Variants in EMG1 observed in about 807,000 individuals in gnomAD.
The protein encoded by EMG1 is EMG1 N1-specific pseudouridine methyltransferase.
A neutral mutation model predicts 26.9 loss-of-function variants in EMG1; 24 were observed. That is an observed-to-expected ratio of 0.89 (90% CI 0.65 to 1.26). EMG1 has a LOEUF of 1.26. EMG1 is among the 50% of genes most tolerant of loss of function. EMG1 has a pLI of 0.00. For synonymous variants in EMG1, 140 were observed against 112.6 expected, an observed-to-expected ratio of 1.24 and a Z score of -1.54; for missense variants, 299 against 307.6, an observed-to-expected ratio of 0.97 and a Z score of 0.21.
chr12:6,990,726 C>A (rs1665901417), downstream of EMG1, among the ~76,000 whole-genome samples: 7 of 150,366 alleles, frequency 4.7e-5, no homozygotes, highest in South Asian at 1.3e-3. Context: ...AGTTTGAGAC[C>A]ATCCTGGCCA....
intron 1 of EMG1, among the ~76,000 whole-genome samples, chr12:6,973,447 C>T (rs782011486): frequency 1.9e-4 from 29 of 152,042 alleles, no homozygotes; most frequent in African/African-American, 3.6e-4. Flanking sequence ...GGATTACAGC[C>T]GTGAGCCACT....
At chr12:6,996,893 G>A (rs1946640618) in intron 7 of EMG1, among the ~76,000 whole-genome samples, 1 of 152,190 alleles carries the variant, frequency 6.6e-6, no homozygotes, top group South Asian at 2.1e-4. Flanking sequence ...CACAGCGGTA[G>A]GAAGGAGCAT....
chr12:6,977,824 T>A lies in EMG1; in HGVS notation c.*2015T>A. Reference sequence around the variant, plus strand: ...GCCACCTGCCTCTGGGTCCTCACCCTGAGGATTGGATTGGAGTGCTGGTGG... The same window carrying A: ...GCCACCTGCCTCTGGGTCCTCACCCAGAGGATTGGATTGGAGTGCTGGTGG... On this transcript the variant is annotated 3_prime_UTR_variant, in exon 6 of 6. Transcript: ENST00000599672. The surrounding 1 kb of genome is among the most constrained non-coding windows in gnomAD (Gnocchi z 4.5). 1.3e-6 allele frequency: 2 copies of A among 1,542,658 alleles called. No individual in the cohort carries two copies. The highest frequency in any genetic ancestry group is 1.8e-6 in the Non-Finnish European group (2 of 1,122,578).
chr12:6,991,135 T>C (rs1230524434), downstream of EMG1, among the ~76,000 whole-genome samples: 1 of 152,206 alleles, frequency 6.6e-6, no homozygotes, highest in Non-Finnish European at 1.5e-5. Context: ...ATGGCCTCTG[T>C]CTGACTTAAT....
chr12:6,982,838 C>T, downstream of EMG1: 2 of 1,127,810 alleles, frequency 1.8e-6, no homozygotes, highest in Non-Finnish European at 2.7e-6. Flanking sequence ...CGTCCTGAGA[C>T]TTCCAATCAC....
rs782427938 is a variant in EMG1, at chr12:6,978,292, G to C, written c.*2483G>C. Reference sequence around the variant, plus strand: ...ACACCCCTGCCCTCCAATCTGGGAAGACAGTGGAAGGAAGGAACCAGGGTC... The same window carrying C: ...ACACCCCTGCCCTCCAATCTGGGAACACAGTGGAAGGAAGGAACCAGGGTC... On this transcript the variant is annotated 3_prime_UTR_variant, in exon 6 of 6. Coordinates refer to ENST00000599672, the MANE Select transcript of EMG1 (RefSeq NM_006331.8). 6.4e-7 allele frequency: 1 copy of C among 1,563,684 alleles called. No homozygotes were observed. Among genetic ancestry groups the C allele is most frequent in the Non-Finnish European group, 8.7e-7 (1 of 1,153,606 alleles).
chr12:6,975,851 A>C lies in EMG1; in HGVS notation c.*42A>C. On this transcript the variant is annotated 3_prime_UTR_variant, in exon 6 of 6. Coordinates refer to ENST00000599672, the MANE Select transcript of EMG1 (RefSeq NM_006331.8). ...TCTGAAACCAGAAACTGTTGATGTC[A>C]CATCCTTTGACCCTGGTCTGAGCTG... 3.6e-5 allele frequency: 41 copies of C among 1,144,128 alleles called. No individual in the cohort carries two copies. Among genetic ancestry groups the C allele is most frequent in the Non-Finnish European group, 5.0e-5 (38 of 753,956 alleles). The allele number at this position is 1,144,128 out of a possible 1,614,324, so 70.9% of individuals were successfully genotyped here.
In EMG1 at chr12:6,975,333, C is replaced by A; in HGVS notation, c.576C>A (p.Ser192Arg). 1.2e-6 allele frequency: 2 copies of A among 1,607,666 alleles called. No homozygotes were observed. Among genetic ancestry groups the A allele is most frequent in the Non-Finnish European group, 1.7e-6 (2 of 1,176,588 alleles). ...GTGATGTGCGTGAGCTGGTGCCCAGCAGTGATCCTATTGTTTTTGTGGTAG... is the reference window on the plus strand; with the variant it reads ...GTGATGTGCGTGAGCTGGTGCCCAGAAGTGATCCTATTGTTTTTGTGGTAG... ...VVSDVRELVP[S>R]SDPIVFVVGA... is the part of the protein sequence containing the mutation. Residue 192 changes from serine (S) to arginine (R), a missense_variant, in exon 5 of 6, where the codon AGC becomes AGA. Ser to Arg is a moderately radical substitution (Grantham distance 110). Coordinates refer to ENST00000599672, the MANE Select transcript of EMG1 (RefSeq NM_006331.8).
intron 1 of EMG1, among the ~76,000 whole-genome samples, chr12:6,972,304 T>C (rs1273003679): frequency 3.2e-4 from 48 of 152,218 alleles, no homozygotes; most frequent in Admixed American, 2.7e-3. Flanking sequence ...GTTTTTTTCT[T>C]CTATAACTAA....
downstream of EMG1, among the ~76,000 whole-genome samples, chr12:6,990,526 A>AAAATAAAAT (rs1555155363): frequency 6.9e-6 from 1 of 144,404 alleles, no homozygotes; most frequent in East Asian, 2.0e-4. Flanking sequence ...AAATTAAAAT[A>AAAATAAAAT]AAATAAATAA....
At chr12:6,993,374 C>T (rs113288170) in intron 7 of EMG1, among the ~76,000 whole-genome samples, 2,962 of 151,346 alleles carry the variant, frequency 0.02, 104 homozygotes, top group African/African-American at 0.069. Context: ...GCAGAGATTG[C>T]AGTGAGCTGA....
chr12:6,996,281 C>T (rs1332689183), intron 7 of EMG1, among the ~76,000 whole-genome samples: 1 of 152,246 alleles, frequency 6.6e-6, no homozygotes, highest in Non-Finnish European at 1.5e-5. Context: ...ATCCTTCCTA[C>T]ACCTCAGGTC....
At position 6,987,736 on chromosome 12, in the gene EMG1, A is replaced by C. The variant is rs1296450742; in HGVS notation, c.*155-46A>C. The C allele has an allele frequency of 2.5e-6, 1 of 400,428 alleles. No homozygotes were observed. Among genetic ancestry groups the C allele is most frequent in the East Asian group, 3.6e-5 (1 of 28,078 alleles). The allele number at this position is 400,428 out of a possible 1,614,324, so 24.8% of individuals were successfully genotyped here. The stretch of plus-strand genomic sequence containing the variant: ...TGCTCGAAATTAAAAAACACCACAC[A>C]TATTACTCTGCCTCTTTAAGTTGAA... On this transcript the variant is annotated intron_variant and NMD_transcript_variant, in intron 6 of 7. Transcript: ENST00000261406. This position sits in a 1 kb window ranked among gnomAD's most constrained non-coding sequence, Gnocchi z 4.1.
In EMG1 at chr12:6,977,642, C is replaced by T. The variant is rs1946423317; in HGVS notation, c.*1833C>T. 2 of 1,614,196 alleles carry T rather than the reference C, an allele frequency of 1.2e-6. No individual in the cohort carries two copies. The highest frequency in any genetic ancestry group is 1.7e-6 in the Non-Finnish European group (2 of 1,180,038). On this transcript the variant is annotated 3_prime_UTR_variant, in exon 6 of 6. Transcript: ENST00000599672. The surrounding 1 kb of genome is among the most constrained non-coding windows in gnomAD (Gnocchi z 4.5). ...ATGAGGAATTCCATCTGGAAGCAGA[C>T]CAGGTATCCTGAGTGCAGGCCGTGC...
Position 6,977,352 on chromosome 12 carries a change from C to T in EMG1, c.*1543C>T, listed in dbSNP as rs1946416745. 6.2e-7 allele frequency: 1 copy of T among 1,614,062 alleles called. No individual in the cohort carries two copies. Among genetic ancestry groups the T allele is most frequent in the Non-Finnish European group, 8.5e-7 (1 of 1,179,916 alleles). ...AGTGAGTCCCTCCCAGTCTCACAAGCAGGCCTTCACTTGCCTTAAGCCATT... is the reference window on the plus strand; with the variant it reads ...AGTGAGTCCCTCCCAGTCTCACAAGTAGGCCTTCACTTGCCTTAAGCCATT... On this transcript the variant is annotated 3_prime_UTR_variant, in exon 6 of 6. Transcript: ENST00000599672. This position sits in a 1 kb window ranked among gnomAD's most constrained non-coding sequence, Gnocchi z 4.5.
intron 1 of EMG1, among the ~76,000 whole-genome samples, chr12:6,971,450 AT>A (rs1182342871): frequency 1.3e-5 from 2 of 151,406 alleles, no homozygotes; most frequent in African/African-American, 4.9e-5. Flanking sequence ...ATTTTTTTGT[AT>A]TTTTAGTTCA....
chr12:6,988,932 G>A (rs1555155113), downstream of EMG1, among the ~76,000 whole-genome samples: 1 of 152,044 alleles, frequency 6.6e-6, no homozygotes, highest in African/African-American at 2.4e-5. Flanking sequence ...TTTGAGACTA[G>A]CCTCAACATG....
In EMG1 at chr12:6,977,926, G is replaced by A; in HGVS notation, c.*2117G>A. ...TTTTAGAGATGGAAAGCAGACCCAA[G>A]GCGGAGCTGGAGACCGTGTGCGCAC... On this transcript the variant is annotated 3_prime_UTR_variant, in exon 6 of 6. Coordinates refer to ENST00000599672, the MANE Select transcript of EMG1 (RefSeq NM_006331.8). This position sits in a 1 kb window ranked among gnomAD's most constrained non-coding sequence, Gnocchi z 4.5. 1.4e-6 allele frequency: 1 copy of A among 689,694 alleles called. No individual in the cohort carries two copies. The allele number at this position is 689,694 out of a possible 1,614,324, so 42.7% of individuals were successfully genotyped here.
rs1591710136 is a variant in EMG1 at position 6,976,987 on chromosome 12, C to G, written c.*1178C>G. 1 of 630,242 alleles carries G rather than the reference C, an allele frequency of 1.6e-6. No individual in the cohort carries two copies. Among genetic ancestry groups the G allele is most frequent in the Non-Finnish European group, 2.9e-6 (1 of 350,076 alleles). The allele number at this position is 630,242 out of a possible 1,614,324, so 39.0% of individuals were successfully genotyped here. ...TGTTTCCTAGCATGCCTCAATAAGT[C>G]ACAGTAGTCATTGCCCATACTGTGT... On this transcript the variant is annotated 3_prime_UTR_variant, in exon 6 of 6. Coordinates refer to ENST00000599672, the MANE Select transcript of EMG1 (RefSeq NM_006331.8).
Sources: gnomAD v4.1 joint callset for allele counts (sites outside exome capture counted in the v4.1 genomes callset) on GRCh38, gnomAD v4.1.1 for gene constraint, Gnocchi (gnomAD v3.1) non-coding constraint, MANE v1.5 for transcripts, NCBI Gene and HGNC (gene_info 2026-07-23, HGNC 2026-07-21) for gene names.